SRBD1: variants seen among roughly 807,000 people sequenced by gnomAD.
SRBD1 encodes the protein S1 RNA binding domain 1, also known as S1 RNA-binding domain-containing protein 1.
SRBD1 carries 88 observed loss-of-function variants against 115.3 expected under a neutral mutation model. The ratio of observed to expected loss-of-function variants is 0.76; its 90% CI spans 0.64 to 0.91. The LOEUF is 0.91. Ranked by LOEUF, SRBD1 falls within the 40% of genes least tolerant of loss-of-function variation. SRBD1 has a pLI of 0.00. For synonymous variants in SRBD1, 509 were observed against 407.7 expected, an observed-to-expected ratio of 1.25 and a Z score of -2.99; for missense variants, 1,385 against 1,177.4, an observed-to-expected ratio of 1.18 and a Z score of -2.58.
intron 1 of SRBD1, among the ~76,000 whole-genome samples, chr2:45,610,624 C>A (rs1674416132): frequency 6.6e-6 from 1 of 152,188 alleles, no homozygotes; most frequent in African/African-American, 2.4e-5. Context: ...TAGAGAGTTC[C>A]CAATTCATTC....
intron 14 of SRBD1, among the ~76,000 whole-genome samples, chr2:45,493,782 T>C (rs1418664501): frequency 6.7e-6 from 1 of 148,798 alleles, no homozygotes; most frequent in Non-Finnish European, 1.5e-5. Context: ...CTGCACTCCA[T>C]CCTGGGCAAC....
chr2:45,503,579 A>G (rs1370277277), intron 14 of SRBD1, among the ~76,000 whole-genome samples: 1 of 152,204 alleles, frequency 6.6e-6, no homozygotes, highest in Non-Finnish European at 1.5e-5. Context: ...TAATTCACAT[A>G]CCAATTCATC....
rs1476929179 is a variant in SRBD1 at position 45,503,659 on chromosome 2, C to A, written c.1875-15328G>T. 2.0e-5 allele frequency among the ~76,000 whole-genome samples: 3 copies of A among 152,154 alleles called. No individual in the cohort carries two copies. The East Asian group carries it at 5.8e-4, about 29-fold the overall frequency. ...CAAAGACGGCAGCTAAAGTTCAAAT[C>A]TTGTCTAATACCATAATTAGCAACT... On this transcript the variant is annotated intron_variant, in intron 14 of 20. Coordinates refer to ENST00000263736, the MANE Select transcript of SRBD1 (RefSeq NM_018079.5).
At chr2:45,545,377 G>A (rs1416683614) in intron 14 of SRBD1, among the ~76,000 whole-genome samples, 1 of 146,386 alleles carries the variant, frequency 6.8e-6, no homozygotes, top group African/African-American at 2.6e-5. Context: ...AGTACATACT[G>A]CCTAAAGTTC....
At chr2:45,450,740 C>T (rs575159223) in intron 16 of SRBD1, among the ~76,000 whole-genome samples, 1 of 152,152 alleles carries the variant, frequency 6.6e-6, no homozygotes, top group South Asian at 2.1e-4. Context: ...GGCAAAAGTG[C>T]CCTATCTTGG....
At chr2:45,410,608 G>A (rs1667572788) in intron 19 of SRBD1, among the ~76,000 whole-genome samples, 1 of 152,128 alleles carries the variant, frequency 6.6e-6, no homozygotes, top group Non-Finnish European at 1.5e-5. Context: ...ACTGGTAGCT[G>A]GGGTCCCCTA....
At chr2:45,579,074 G>A (rs532377273) in intron 7 of SRBD1, among the ~76,000 whole-genome samples, 2 of 152,086 alleles carry the variant, frequency 1.3e-5, no homozygotes, top group South Asian at 2.1e-4. Context: ...TCCTAACAGC[G>A]AATTCCTGAG....
At position 45,560,223 on chromosome 2, in the gene SRBD1, T is replaced by C. The variant is rs149021682; in HGVS notation, c.1409+2430A>G. ...TTTTCAATTGGAGAACTAAATAAAA[T>C]ATAAATAAGCCATGGAAAAATAAAT... is the stretch of plus-strand genomic sequence containing the variant. On this transcript the variant is annotated intron_variant, in intron 10 of 20. Transcript: ENST00000263736. Among the ~76,000 whole-genome samples the C allele has an allele frequency of 3.3e-3, 509 of 152,240 alleles. 2 individuals carry two copies. Among genetic ancestry groups the C allele is most frequent in the African/African-American group, 0.012 (482 of 41,546 alleles).
At chr2:45,547,486 C>G (rs1672156661) in intron 13 of SRBD1, 36 bp downstream of exon 13, 3 of 1,573,976 alleles carry the variant, frequency 1.9e-6, no homozygotes, top group Non-Finnish European at 2.6e-6. Context: ...GTTGACTGAG[C>G]CACTGATATA....
At chr2:45,489,774 G>C (rs1004870262) in intron 14 of SRBD1, among the ~76,000 whole-genome samples, 1 of 152,120 alleles carries the variant, frequency 6.6e-6, no homozygotes, top group East Asian at 1.9e-4. Flanking sequence ...ACCCTAACCT[G>C]CTTGATTTCC....
chr2:45,493,839 G>T (rs1293599968), intron 14 of SRBD1, among the ~76,000 whole-genome samples: 2 of 151,344 alleles, frequency 1.3e-5, no homozygotes, highest in Non-Finnish European at 2.9e-5. Context: ...AAATAAATTA[G>T]GTAATCTAGT....
intron 16 of SRBD1, among the ~76,000 whole-genome samples, chr2:45,437,713 C>G (rs4953234): frequency 0.76 from 115,510 of 152,142 alleles, 44,247 homozygotes; most frequent in African/African-American, 0.79. Context: ...GGGCGATAGA[C>G]TAAGACTCTG....
chr2:45,526,211 C>A (rs1021718173), intron 14 of SRBD1, among the ~76,000 whole-genome samples: 1 of 151,876 alleles, frequency 6.6e-6, no homozygotes, highest in South Asian at 2.1e-4. Context: ...CAATGTCAAT[C>A]GACTAATAAA....
chr2:45,605,363 A>G lies in SRBD1; in HGVS notation c.79T>C (p.Leu27=). The change falls in exon 2 of 21, where the codon TTA becomes CTA. Residue 27 remains leucine, a splice_region_variant and synonymous_variant. Transcript: ENST00000263736. ...CACATATTAAACCAGTATGCTTACA[A>G]CTCAGAGAATGAAGAAAATTCATCT... is the stretch of plus-strand genomic sequence containing the variant. ...LKDEFSSFSE[L]SSASEEDDKE... The G allele has an allele frequency of 6.2e-7, 1 of 1,613,010 alleles. No homozygotes were observed. The highest frequency in any genetic ancestry group is 8.5e-7 in the Non-Finnish European group (1 of 1,179,668).
chr2:45,431,236 G>C (rs1337582229), intron 16 of SRBD1, among the ~76,000 whole-genome samples: 1 of 152,208 alleles, frequency 6.6e-6, no homozygotes, highest in African/African-American at 2.4e-5. Context: ...GTGGAAGACA[G>C]TGTGGTGATT....
intron 10 of SRBD1, among the ~76,000 whole-genome samples, chr2:45,558,760 C>T (rs922205015): frequency 9.1e-5 from 13 of 142,830 alleles, no homozygotes; most frequent in African/African-American, 3.4e-4. Flanking sequence ...GGCGCAATCT[C>T]GGCTCACTGC....
chr2:45,511,177 T>C (rs1227386596), intron 14 of SRBD1, among the ~76,000 whole-genome samples: 1 of 152,224 alleles, frequency 6.6e-6, no homozygotes, highest in Non-Finnish European at 1.5e-5. Context: ...TCATTTAACG[T>C]TTTTCTATTG....
chr2:45,498,503 G>C (rs1056470227), intron 14 of SRBD1, among the ~76,000 whole-genome samples: 3 of 152,136 alleles, frequency 2.0e-5, no homozygotes, highest in Non-Finnish European at 4.4e-5. Context: ...CAGGGTATAA[G>C]TGGGATATCT....
At chr2:45,493,522 T>G (rs554484077) in intron 14 of SRBD1, among the ~76,000 whole-genome samples, 3 of 152,112 alleles carry the variant, frequency 2.0e-5, no homozygotes, top group Admixed American at 1.3e-4. Flanking sequence ...CTTAAAAACT[T>G]AGGTAAGGCC....
Sources: gnomAD v4.1 joint callset for allele counts (sites outside exome capture counted in the v4.1 genomes callset) on GRCh38, gnomAD v4.1.1 for gene constraint, MANE v1.5 for transcripts, NCBI Gene and HGNC (gene_info 2026-07-23, HGNC 2026-07-21) for gene names.